Variants in MRTFB observed in about 807,000 individuals in gnomAD.
The protein encoded by MRTFB is myocardin related transcription factor B.
MRTFB carries 29 observed loss-of-function variants against 104.2 expected under a neutral mutation model. The observed-to-expected ratio is 0.28, with a 90% confidence interval of 0.21 to 0.38. The LOEUF is 0.38. Among genes scored for constraint, MRTFB ranks in the 10% least tolerant of loss-of-function variants. The probability of loss-of-function intolerance (pLI) is 1.00; values close to 1 mark genes in which losing one functional copy is unlikely to be tolerated. For synonymous variants in MRTFB, 535 were observed against 519.5 expected (o/e 1.03, Z -0.41); for missense variants, 1,270 against 1,341.6 (o/e 0.95, Z 0.83).
At chr16:14,208,286 C>T (rs1185262989) in intron 3 of MRTFB, among the ~76,000 whole-genome samples, 1 of 152,176 alleles carries the variant, frequency 6.6e-6, no homozygotes, top group Non-Finnish European at 1.5e-5. Context: ...CTGTTGTCAT[C>T]AGAGTGTTGG....
At chr16:14,110,515 T>G (rs1384154988) in intron 2 of MRTFB, among the ~76,000 whole-genome samples, 1 of 152,090 alleles carries the variant, frequency 6.6e-6, no homozygotes, top group Non-Finnish European at 1.5e-5. Flanking sequence ...CTGGGGGAGC[T>G]GAATCCCATA....
the MRTFB span, among the ~76,000 whole-genome samples, chr16:14,025,305 C>A: frequency 6.6e-6 from 1 of 152,186 alleles, no homozygotes; most frequent in Non-Finnish European, 1.5e-5. Context: ...CTTAGCCTCC[C>A]AAGTAGCTGG....
chr16:14,044,570 G>A, the MRTFB span, among the ~76,000 whole-genome samples: 9 of 152,208 alleles, frequency 5.9e-5, no homozygotes, highest in Admixed American at 6.5e-5. Flanking sequence ...GGACTAAACA[G>A]TAGCACACGC....
At chr16:14,099,520 G>A (rs1321607863) in intron 2 of MRTFB, among the ~76,000 whole-genome samples, 4 of 151,026 alleles carry the variant, frequency 2.6e-5, no homozygotes, top group Middle Eastern at 3.4e-3. Context: ...ATACCACCAT[G>A]TCCGGCTAAT....
chr16:14,182,697 A>G (rs1171602653), intron 3 of MRTFB, among the ~76,000 whole-genome samples: 2 of 152,186 alleles, frequency 1.3e-5, no homozygotes, highest in African/African-American at 4.8e-5. Context: ...AAGCAGGGAA[A>G]AAGTACAACA....
At chr16:14,143,891 T>C (rs537052408) in intron 3 of MRTFB, 5 of 152,348 alleles carry the variant, frequency 3.3e-5, no homozygotes, top group African/African-American at 4.8e-5. Flanking sequence ...AAAAGGAGGT[T>C]ACCCTCCCAA....
intron 3 of MRTFB, among the ~76,000 whole-genome samples, chr16:14,166,776 C>A (rs936167622): frequency 2.6e-5 from 4 of 152,086 alleles, no homozygotes; most frequent in Non-Finnish European, 5.9e-5. Context: ...TTTTCTGTTC[C>A]TGCATTAGTT....
At chr16:14,249,507 T>C (rs1597375994) in intron 13 of MRTFB, among the ~76,000 whole-genome samples, 1 of 152,220 alleles carries the variant, frequency 6.6e-6, no homozygotes, top group Non-Finnish European at 1.5e-5. Context: ...TTGAAATACA[T>C]TTGTAAGACT....
chr16:14,234,104 C>T (rs373069866), intron 8 of MRTFB, 42 bp from the exon 9 acceptor site: 3 of 1,591,586 alleles, frequency 1.9e-6, no homozygotes, highest in Non-Finnish European at 2.6e-6. Context: ...TTTTTATGAT[C>T]ATTAATTTCA....
At chr16:14,241,920 T>C (rs1161115065) in intron 10 of MRTFB, among the ~76,000 whole-genome samples, 1 of 151,092 alleles carries the variant, frequency 6.6e-6, no homozygotes, top group Non-Finnish European at 1.5e-5. Context: ...GTCCAGGCCT[T>C]AGGGAGGCCT....
intron 3 of MRTFB, among the ~76,000 whole-genome samples, chr16:14,181,069 A>G (rs907363167): frequency 6.6e-6 from 1 of 152,224 alleles, no homozygotes; most frequent in African/African-American, 2.4e-5. Flanking sequence ...TGTTCAGTAT[A>G]TATTTTTAAA....
chr16:14,239,467 A>C (rs2042666428), intron 9 of MRTFB, among the ~76,000 whole-genome samples: 1 of 152,220 alleles, frequency 6.6e-6, no homozygotes, highest in African/African-American at 2.4e-5. Context: ...CTTTGTATTA[A>C]GTTGGGTATG....
At chr16:14,237,006 A>C (rs140996526) in intron 9 of MRTFB, among the ~76,000 whole-genome samples, 8 of 152,308 alleles carry the variant, frequency 5.3e-5, no homozygotes, top group Non-Finnish European at 8.8e-5. Context: ...TTGTGTGTCT[A>C]AGTGACTAGC....
chr16:14,203,558 T>C (rs751059788), intron 3 of MRTFB, among the ~76,000 whole-genome samples: 1 of 151,934 alleles, frequency 6.6e-6, no homozygotes, highest in Non-Finnish European at 1.5e-5. Context: ...ATTTCACACT[T>C]TGGGAGGCCA....
intron 2 of MRTFB, among the ~76,000 whole-genome samples, chr16:14,099,887 C>G (rs538178770): frequency 7.9e-5 from 12 of 152,004 alleles, no homozygotes; most frequent in East Asian, 1.9e-4. Flanking sequence ...AGGCTGGTCT[C>G]GAACTCCTGA....
chr16:14,220,539 A>C (rs1218047698), intron 8 of MRTFB, among the ~76,000 whole-genome samples: 1 of 152,174 alleles, frequency 6.6e-6, no homozygotes, highest in African/African-American at 2.4e-5. Context: ...TAAGTTTTTA[A>C]TTGAGACGCT....
At chr16:14,178,915 A>C (rs2039677626) in intron 3 of MRTFB, among the ~76,000 whole-genome samples, 1 of 151,932 alleles carries the variant, frequency 6.6e-6, no homozygotes, top group African/African-American at 2.4e-5. Flanking sequence ...ACACTTGTCT[A>C]ATTCTTTTGT....
At chr16:14,078,743 T>A (rs575843883) in intron 1 of MRTFB, among the ~76,000 whole-genome samples, 2 of 152,128 alleles carry the variant, frequency 1.3e-5, no homozygotes, top group South Asian at 2.1e-4. Context: ...TAATAATAAT[T>A]ATTATCATCA....
intron 3 of MRTFB, among the ~76,000 whole-genome samples, chr16:14,182,547 TTA>T (rs1272530134): frequency 1.3e-5 from 2 of 152,276 alleles, no homozygotes; most frequent in East Asian, 3.9e-4. Flanking sequence ...GATATAAATG[TTA>T]TGTAGATGTG....
Sources: gnomAD v4.1 joint callset for allele counts (sites outside exome capture counted in the v4.1 genomes callset) on GRCh38, gnomAD v4.1.1 for gene constraint, MANE v1.5 for transcripts, NCBI Gene and HGNC (gene_info 2026-07-23, HGNC 2026-07-21) for gene names.